SCN9A: variants seen among roughly 807,000 people sequenced by gnomAD.
The protein encoded by SCN9A is sodium voltage-gated channel alpha subunit 9.
A neutral mutation model predicts 187.0 loss-of-function variants in SCN9A; 131 were observed. The observed-to-expected ratio is 0.70, with a 90% CI of 0.61 to 0.81. The LOEUF is 0.81. Ranked by LOEUF, SCN9A falls within the 30% of genes least tolerant of loss-of-function variation. SCN9A has a pLI of 0.00. For missense variants in SCN9A, 2,252 were observed against 2,396.6 expected (o/e 0.94, Z 1.26); for synonymous variants, 809 against 808.6 (o/e 1.00, Z -0.01).
intron 24 of SCN9A, among the ~76,000 whole-genome samples, chr2:166,208,710 GTT>G (rs1326346203): frequency 6.6e-6 from 1 of 152,160 alleles, no homozygotes; most frequent in African/African-American, 2.4e-5. Flanking sequence ...AATAGGGTTG[GTT>G]ATTAGAAAGA....
intron 12 of SCN9A, among the ~76,000 whole-genome samples, chr2:166,284,165 T>C (rs1200827132): frequency 6.6e-6 from 1 of 152,226 alleles, no homozygotes; most frequent in Non-Finnish European, 1.5e-5. Flanking sequence ...GATATCTATC[T>C]ATATATGTAT....
intron 24 of SCN9A, among the ~76,000 whole-genome samples, chr2:166,205,413 A>T (rs1283172388): frequency 1.3e-5 from 2 of 152,228 alleles, no homozygotes; most frequent in Admixed American, 6.5e-5. Context: ...CAACGGGGAA[A>T]GGCTTCCCTA....
intron 1 of SCN9A, among the ~76,000 whole-genome samples, chr2:166,330,481 A>G (rs1699474541): frequency 6.6e-6 from 1 of 152,180 alleles, no homozygotes; most frequent in Admixed American, 6.5e-5. Context: ...GTTGTTGTAA[A>G]TACATCTAAT....
chr2:166,306,520 T>G lies in SCN9A; in HGVS notation c.457A>C (p.Lys153Gln). Residue 153 changes from lysine (K) to glutamine (Q), a missense_variant, in exon 4 of 27, where the codon AAA becomes CAA. Transcript: ENST00000642356. ...CTTATACCCACTTACTCGACATTTT[T>G]GGTCCAGTCCGGTGGGTTATTCATG... ...MTMNNPPDWT[K>Q]NVEYTFTGIY... The G allele has an allele frequency of 1.3e-6, 2 of 1,549,390 alleles. No individual in the cohort carries two copies. Among genetic ancestry groups the G allele is most frequent in the Non-Finnish European group, 1.8e-6 (2 of 1,134,872 alleles).
intron 15 of SCN9A, 111 bp from the exon 16 acceptor site, chr2:166,277,450 C>G: frequency 3.2e-6 from 2 of 628,482 alleles, no homozygotes; most frequent in South Asian, 4.8e-5. Flanking sequence ...ATAATATTGT[C>G]ATTATTATCC....
chr2:166,291,327 A>G (rs907294969), intron 9 of SCN9A, among the ~76,000 whole-genome samples: 4 of 152,146 alleles, frequency 2.6e-5, no homozygotes, highest in Non-Finnish European at 5.9e-5. Flanking sequence ...CCCATTTGCA[A>G]TTGCTATAAA....
chr2:166,226,214 A>G (rs1461458382), intron 24 of SCN9A, among the ~76,000 whole-genome samples: 1 of 152,152 alleles, frequency 6.6e-6, no homozygotes, highest in Non-Finnish European at 1.5e-5. Context: ...AATAAAATAA[A>G]TAACTACTTA....
intron 1 of SCN9A, among the ~76,000 whole-genome samples, chr2:166,312,569 C>G (rs1698993265): frequency 6.6e-6 from 1 of 152,064 alleles, no homozygotes; most frequent in Admixed American, 6.6e-5. Flanking sequence ...TGAATCCTTT[C>G]CAGAAGATTT....
At chr2:166,262,253 A>G (rs1259852555) in intron 17 of SCN9A, among the ~76,000 whole-genome samples, 1 of 152,052 alleles carries the variant, frequency 6.6e-6, no homozygotes, top group African/African-American at 2.4e-5. Flanking sequence ...ATAAATATAC[A>G]GATACACATG....
chr2:166,257,373 C>T (rs910481559), intron 17 of SCN9A, among the ~76,000 whole-genome samples: 1 of 151,540 alleles, frequency 6.6e-6, no homozygotes, highest in East Asian at 1.9e-4. Context: ...AGTAAGCTAC[C>T]TAGATATCTG....
At chr2:166,375,371 C>A (rs954138713) in intron 1 of SCN9A, among the ~76,000 whole-genome samples, 2 of 152,142 alleles carry the variant, frequency 1.3e-5, no homozygotes. Context: ...CTAGCGTAAA[C>A]AGAAATAAAA....
chr2:166,205,046 G>T (rs1693732011), intron 24 of SCN9A: 1 of 152,150 alleles, frequency 6.6e-6, no homozygotes, highest in African/African-American at 2.4e-5. Flanking sequence ...CCATGCTCAT[G>T]GATAGGAAGA....
At chr2:166,227,087 T>G (rs1694872076) in intron 23 of SCN9A, among the ~76,000 whole-genome samples, 1 of 152,146 alleles carries the variant, frequency 6.6e-6, no homozygotes, top group South Asian at 2.1e-4. Context: ...GCCATGTATT[T>G]TCTTTTGATT....
chr2:166,288,618 T>A lies in SCN9A; in HGVS notation c.1133A>T (p.Tyr378Phe). Reference sequence around the variant, plus strand: ...AATCACTACGACAAAGAAGATCATGTAGGTTTTGCCAGCAGCACGCAGCGT... The same window carrying A: ...AATCACTACGACAAAGAAGATCATGAAGGTTTTGCCAGCAGCACGCAGCGT... ...QQTLRAAGKTYMIFFVVVIFL... is the reference protein window; with the variant it reads ...QQTLRAAGKTFMIFFVVVIFL... Residue 378 changes from tyrosine to phenylalanine, a missense_variant, in exon 10 of 27, where the codon TAC (tyrosine) becomes TTC (phenylalanine). By Grantham distance (22) the Tyr-to-Phe change is conservative. Around this residue, in one of 7 missense-constraint regions of SCN9A, gnomAD observed 1,013 missense variants for 997.4 expected, o/e 1.02. Transcript: ENST00000642356. 2 of 1,606,506 alleles carry A rather than the reference T, an allele frequency of 1.2e-6. No individual in the cohort carries two copies. Among genetic ancestry groups the A allele is most frequent in the Non-Finnish European group, 1.7e-6 (2 of 1,175,126 alleles).
rs943429428 is a variant in SCN9A at position 166,288,460 on chromosome 2, T to G, written c.1291A>C (p.Lys431Gln). 6.2e-7 allele frequency: 1 copy of G among 1,610,982 alleles called. No individual in the cohort carries two copies. The highest frequency in any genetic ancestry group is 1.3e-5 in the African/African-American group (1 of 74,850). The change falls in exon 10 of 27, where the codon AAA (lysine) becomes CAA (glutamine). Residue 431 changes from lysine to glutamine, a missense_variant. By Grantham distance (53) the Lys-to-Gln change is moderately conservative (BLOSUM62 1). This residue lies in a region of SCN9A where 1,013 missense variants were observed against 997.4 expected (regional missense o/e 1.02). Coordinates refer to ENST00000642356, the MANE Select transcript of SCN9A (RefSeq NM_001365536.1). ...ACCTCAGCTTCTTCTTGCTCTTTTT[T>G]AAGACGGTCTAACATCTGTTGAAAT... ...LEFQQMLDRL[K>Q]KEQEEAEAIA...
intron 1 of SCN9A, among the ~76,000 whole-genome samples, chr2:166,347,523 G>A (rs1166924443): frequency 6.6e-6 from 1 of 152,126 alleles, no homozygotes; most frequent in Non-Finnish European, 1.5e-5. Context: ...TCCTGACTTA[G>A]TAAAGAGCTA....
Position 166,276,964 on chromosome 2 carries a change from T to C in SCN9A, c.2874+19A>G, listed in dbSNP as rs771509896. ...ATTTCCACAGAGAAATTAAAATGCATGAACATCTGGTTACATACCACCAGG... is the reference window on the plus strand; with the variant it reads ...ATTTCCACAGAGAAATTAAAATGCACGAACATCTGGTTACATACCACCAGG... On this transcript the variant is annotated intron_variant, in intron 16 of 26. Transcript: ENST00000642356. 6.3e-7 allele frequency: 1 copy of C among 1,575,902 alleles called. No homozygotes were observed. The highest frequency in any genetic ancestry group is 8.6e-7 in the Non-Finnish European group (1 of 1,157,534).
chr2:166,329,566 T>TGGGG (rs542456172), intron 1 of SCN9A, among the ~76,000 whole-genome samples: 1 of 147,090 alleles, frequency 6.8e-6, no homozygotes, highest in African/African-American at 2.5e-5. Flanking sequence ...TTGTTATTGT[T>TGGGG]GGGGGGGGGT....
intron 1 of SCN9A, among the ~76,000 whole-genome samples, chr2:166,339,507 G>A (rs541350117): frequency 3.2e-4 from 49 of 152,254 alleles, no homozygotes; most frequent in African/African-American, 1.2e-3. Context: ...TTGTTAGAAT[G>A]TAATGAGTCC....
Sources: gnomAD v4.1 joint callset for allele counts (sites outside exome capture counted in the v4.1 genomes callset) on GRCh38, gnomAD v4.1.1 for gene constraint, gnomAD v4.1.1 regional missense constraint, MANE v1.5 for transcripts, NCBI Gene and HGNC (gene_info 2026-07-23, HGNC 2026-07-21) for gene names.